Variants in SFI1 observed in about 807,000 individuals in gnomAD.
The protein encoded by SFI1 is SFI1 centrin binding protein, also known as protein SFI1 homolog.
Under a neutral mutation model 207.5 loss-of-function variants are expected in SFI1, and 195 were observed. The ratio of observed to expected loss-of-function variants is 0.94; its 90% CI spans 0.84 to 1.06. The LOEUF (loss-of-function observed/expected upper bound fraction) is 1.06. Among genes scored for constraint, SFI1 ranks in the 50% least tolerant of loss-of-function variants. The pLI is 0.00. For missense variants in SFI1, 1,634 were observed against 1,588.0 expected (o/e 1.03, Z -0.49); for synonymous variants, 630 against 598.9 (o/e 1.05, Z -0.76).
At chr22:31,568,206 GTGTGTATATATATATATA>G (rs2062565281) in intron 8 of SFI1, among the ~76,000 whole-genome samples, 1 of 136,730 alleles carries the variant, frequency 7.3e-6, no homozygotes, top group African/African-American at 2.8e-5. Context: ...GTGTGTGTGT[GTGTGTATATATATATATA>G]TATTTTTTTT....
chr22:31,554,371 C>T (rs571308598), intron 6 of SFI1, among the ~76,000 whole-genome samples: 4 of 152,092 alleles, frequency 2.6e-5, no homozygotes, highest in East Asian at 1.9e-4. Flanking sequence ...TGCAGTGGCA[C>T]GATCTCGGCT....
Position 31,607,977 on chromosome 22 carries a change from A to G in SFI1, c.2198A>G (p.Tyr733Cys). 1 of 1,613,918 alleles carries G rather than the reference A, an allele frequency of 6.2e-7. No homozygotes were observed. Among genetic ancestry groups the G allele is most frequent in the Non-Finnish European group, 8.5e-7 (1 of 1,179,874 alleles). The part of the protein sequence containing the change: ...QWREAVSVQM[Y>C]YRQQEDCAIW... Reference sequence around the variant, plus strand: ...CGGGAAGCTGTGTCAGTGCAGATGTATTACCGACAGCAGGAGGACTGTGCC... The same window carrying G: ...CGGGAAGCTGTGTCAGTGCAGATGTGTTACCGACAGCAGGAGGACTGTGCC... The change falls in exon 22 of 33, where the codon TAT becomes TGT. Residue 733 changes from tyrosine (Y) to cysteine (C), a missense_variant. Transcript: ENST00000400288.
chr22:31,530,527 T>A, intron 3 of SFI1: 1 of 337,624 alleles, frequency 3.0e-6, no homozygotes, highest in South Asian at 2.2e-5. Flanking sequence ...AAGCCACCTT[T>A]GTGTGTATAC....
chr22:31,503,584 GTTT>G (rs34588094), intron 1 of SFI1, among the ~76,000 whole-genome samples: 6 of 94,464 alleles, frequency 6.4e-5, no homozygotes, highest in Admixed American at 2.4e-4. Context: ...TTCTTGGACT[GTTT>G]TTTTTTTTTT....
intron 6 of SFI1, among the ~76,000 whole-genome samples, chr22:31,556,220 T>C (rs1360285843): frequency 6.6e-6 from 1 of 151,488 alleles, no homozygotes; most frequent in Non-Finnish European, 1.5e-5. Flanking sequence ...AATTTTTTTT[T>C]CTTTTCTTTT....
At position 31,594,010 on chromosome 22, in the gene SFI1, G is replaced by GGC. The variant is rs1446565868; in HGVS notation, c.1544+4433_1544+4434insGC. On this transcript the variant is annotated intron_variant, in intron 15 of 32. Transcript: ENST00000400288. ...GACGAGGGAGAGGGAGAGGGACAGG[G>GGC]AGAGGGAGAGGGAGAGGGAGGTGTC... 2.8e-3 allele frequency among the ~76,000 whole-genome samples: 409 copies of GGC among 145,756 alleles called. 5 individuals carry two copies. Among genetic ancestry groups the GGC allele is most frequent in the African/African-American group, 9.2e-3 (365 of 39,802 alleles).
Position 31,611,005 on chromosome 22 carries a change from T to C in SFI1, c.2255-138T>C, listed in dbSNP as rs2070010360. ...CCCTAGAGAGGGGCCATGGTCCATG[T>C]GTGGTAGTTTCACCATGTGGGCTGG... On this transcript the variant is annotated intron_variant, in intron 22 of 32. Coordinates refer to ENST00000400288, the MANE Select transcript of SFI1 (RefSeq NM_001007467.3). The C allele has an allele frequency of 1.1e-5, 12 of 1,120,440 alleles. No homozygotes were observed. In the Middle Eastern group the frequency reaches 1.0e-3, roughly 96 times the overall value. The allele number at this position is 1,120,440 out of a possible 1,614,324, so 69.4% of individuals were successfully genotyped here. A position where few individuals can be genotyped will look rare whatever the true frequency, so the allele number is the denominator to read the frequency against.
chr22:31,546,782 A>G (rs1381912792), intron 4 of SFI1, 79 bp from the exon 5 acceptor site: 3 of 1,013,782 alleles, frequency 3.0e-6, no homozygotes, highest in Non-Finnish European at 2.9e-6. Context: ...TTTTCATGAG[A>G]CGGCAAGAAT....
At position 31,614,812 on chromosome 22, in the gene SFI1, A is replaced by G. The variant is rs757559887; in HGVS notation, c.3020A>G (p.Lys1007Arg). 6.2e-7 allele frequency: 1 copy of G among 1,613,828 alleles called. No individual in the cohort carries two copies. Among genetic ancestry groups the G allele is most frequent in the East Asian group, 2.2e-5 (1 of 44,864 alleles). The change falls in exon 28 of 33, where the codon AAG (lysine) becomes AGG (arginine). Residue 1007 changes from lysine to arginine, a missense_variant. Transcript: ENST00000400288. The part of the protein sequence containing the change: ...LELNTAHSAR[K>R]QPRRPHFLLE... ...AGCAACACTGCCCACTCAGCGAGGA[A>G]GCAGCCGCGACGCCCACACTTCCTG...
intron 4 of SFI1, among the ~76,000 whole-genome samples, chr22:31,541,286 T>C (rs965589282): frequency 7.2e-5 from 11 of 152,114 alleles, no homozygotes; most frequent in African/African-American, 2.7e-4. Flanking sequence ...TGCCTAAAAT[T>C]GACTAAAATT....
intron 6 of SFI1, among the ~76,000 whole-genome samples, chr22:31,553,961 AAGT>A (rs1655559436): frequency 1.4e-5 from 2 of 138,122 alleles, no homozygotes; most frequent in Admixed American, 1.6e-4. Context: ...TCAGCCTCCC[AAGT>A]AGCTGGGACT....
chr22:31,562,543 A>G (rs1289619762), intron 8 of SFI1, among the ~76,000 whole-genome samples: 1 of 152,162 alleles, frequency 6.6e-6, no homozygotes, highest in Non-Finnish European at 1.5e-5. Context: ...ACCTTTTTTA[A>G]AAGTCCCATA....
rs2058478620 is a variant in SFI1 at position 31,531,117 on chromosome 22, C to T, written c.326C>T (p.Pro109Leu). ...WIRMTFGRVF[P>L]SKARFYYEQR... ...CGAATGACTTTTGGAAGAGTATTTC[C>T]CTCTAAAGCCAGGTAGTATTAGCTC... is the stretch of plus-strand genomic sequence containing the variant. Residue 109 changes from proline to leucine, a missense_variant, in exon 4 of 33, where the codon CCC becomes CTC. Transcript: ENST00000400288. 1 of 1,612,590 alleles carries T rather than the reference C, an allele frequency of 6.2e-7. No individual in the cohort carries two copies.
rs959111721 is a variant in SFI1, at chr22:31,618,145, C to G, written c.3543C>G (p.Arg1181=). ...GTCGGCGGCAAGCGAGCAGCCTGCG[C>G]AGGTGGCTGGAGCTGAACAGAGAGG... is the stretch of plus-strand genomic sequence containing the variant. ...WSCRRQASSL[R]RWLELNREEP... is the part of the protein sequence containing the mutation. Residue 1181 remains arginine, a synonymous_variant, in exon 32 of 33, where the codon CGC becomes CGG. Coordinates refer to ENST00000400288, the MANE Select transcript of SFI1 (RefSeq NM_001007467.3). 2.5e-6 allele frequency: 4 copies of G among 1,586,446 alleles called. No homozygotes were observed. The African/African-American group carries it at 5.3e-5, about 21-fold the overall frequency.
At chr22:31,530,597 C>A (rs1373722539) in intron 3 of SFI1, 1 of 469,974 alleles carries the variant, frequency 2.1e-6, no homozygotes, top group Non-Finnish European at 4.4e-6. Flanking sequence ...TTCAGGGGCT[C>A]ACAGTGCAGA....
intron 15 of SFI1, among the ~76,000 whole-genome samples, chr22:31,592,797 C>T (rs766704011): frequency 3.1e-5 from 4 of 130,562 alleles, no homozygotes; most frequent in Admixed American, 1.4e-4. Context: ...GGCGGCTGGC[C>T]GGGGGGAGGG....
intron 6 of SFI1, among the ~76,000 whole-genome samples, chr22:31,552,329 T>C (rs1171808431): frequency 6.6e-6 from 1 of 151,420 alleles, no homozygotes; most frequent in Non-Finnish European, 1.5e-5. Flanking sequence ...CTCGGCTCAC[T>C]GCAGCCTCCA....
intron 2 of SFI1, among the ~76,000 whole-genome samples, chr22:31,518,290 C>T (rs1345970128): frequency 2.0e-5 from 3 of 152,124 alleles, no homozygotes; most frequent in African/African-American, 7.2e-5. Context: ...CCACTGTGCC[C>T]AGCCCTCTAT....
chr22:31,592,897 G>A (rs1274175031), intron 15 of SFI1, among the ~76,000 whole-genome samples: 2 of 120,836 alleles, frequency 1.7e-5, no homozygotes, highest in African/African-American at 3.6e-5. Flanking sequence ...CTGGCTGGCC[G>A]GGCTGAGGGG....
Sources: allele counts gnomAD v4.1 joint callset (sites outside exome capture counted in the v4.1 genomes callset), GRCh38; gene constraint gnomAD v4.1.1; transcripts MANE v1.5; gene names NCBI Gene and HGNC (gene_info 2026-07-23, HGNC 2026-07-21).